Variants in TNFAIP8 observed in about 807,000 individuals in gnomAD.
The protein encoded by TNFAIP8 is TNF alpha induced protein 8.
Under a neutral mutation model 13.3 loss-of-function variants are expected in TNFAIP8, and 7 were observed. The ratio of observed to expected loss-of-function variants is 0.52; its 90% CI spans 0.30 to 0.99. The LOEUF is 0.99. Among genes scored for constraint, TNFAIP8 ranks in the 50% least tolerant of loss-of-function variants. The pLI, the probability that TNFAIP8 is intolerant of heterozygous loss-of-function variation, is 0.07. For synonymous variants in TNFAIP8, 94 were observed against 87.6 expected, an observed-to-expected ratio of 1.07 and a Z score of -0.41; for missense variants, 258 against 236.9, an observed-to-expected ratio of 1.09 and a Z score of -0.58.
chr5:119,340,579 A>G (rs975551734), intron 1 of TNFAIP8, among the ~76,000 whole-genome samples: 2 of 152,188 alleles, frequency 1.3e-5, no homozygotes, highest in Non-Finnish European at 2.9e-5. Context: ...GGGAGATTGA[A>G]TAAGACAACC....
At chr5:119,288,345 G>C (rs996507676) in intron 1 of TNFAIP8, among the ~76,000 whole-genome samples, 1 of 152,116 alleles carries the variant, frequency 6.6e-6, no homozygotes, top group Non-Finnish European at 1.5e-5. Flanking sequence ...GTGAAACAAA[G>C]GTGTACCTTG....
At chr5:119,365,643 C>T (rs1344402037) in intron 1 of TNFAIP8, among the ~76,000 whole-genome samples, 1 of 152,224 alleles carries the variant, frequency 6.6e-6, no homozygotes, top group African/African-American at 2.4e-5. Context: ...CTTTTTCCTC[C>T]TGTAAAGTTG....
rs578217291 is a variant in TNFAIP8 at position 119,341,652 on chromosome 5, TTCACC to T, written c.2-51163_2-51159del. ...CTGGGATAAGAGTGCCACCAAAATT[TTCACC>T]CACAGATTGGAAGCACATCAAAAGA... is the stretch of plus-strand genomic sequence containing the variant. On this transcript the variant is annotated intron_variant, in intron 1 of 1. Transcript: ENST00000274456. Among the ~76,000 whole-genome samples, 57 of 152,292 alleles carry T rather than the reference TTCACC, an allele frequency of 3.7e-4. 1 individual carries two copies. The highest frequency in any genetic ancestry group is 1.2e-3 in the African/African-American group (51 of 41,564).
At chr5:119,303,553 G>T (rs1384131281) in intron 1 of TNFAIP8, among the ~76,000 whole-genome samples, 3 of 152,108 alleles carry the variant, frequency 2.0e-5, no homozygotes, top group African/African-American at 7.2e-5. Context: ...TTATCATTTG[G>T]GTAGAAGTGG....
In TNFAIP8 at chr5:119,397,696, G is replaced by A; in HGVS notation, c.*4315G>A. On this transcript the variant is annotated 3_prime_UTR_variant, in exon 2 of 2. Transcript: ENST00000504771. ...GAAGCATTAACCAGAAAATGAGTCA[G>A]CTTTTTGTTTCCAAAATGATGCAAC... The A allele has an allele frequency of 6.6e-6, 1 of 152,164 alleles. No homozygotes were observed. The highest frequency in any genetic ancestry group is 1.5e-5 in the Non-Finnish European group (1 of 68,018). 9.4% of individuals were successfully genotyped at this position (152,164 alleles called of 1,614,324 possible).
intron 1 of TNFAIP8, among the ~76,000 whole-genome samples, chr5:119,371,906 A>G (rs1445181546): frequency 2.0e-5 from 3 of 151,358 alleles, no homozygotes; most frequent in African/African-American, 4.9e-5. Context: ...GGGAGGCCGA[A>G]GCGGGCAGAT....
intron 1 of TNFAIP8, among the ~76,000 whole-genome samples, chr5:119,346,638 C>CCAA (rs887781559): frequency 6.6e-5 from 10 of 152,164 alleles, no homozygotes; most frequent in African/African-American, 2.4e-4. Context: ...ACAGCAACCA[C>CCAA]CAACAACCTA....
chr5:119,361,738 C>T (rs1181739644), intron 1 of TNFAIP8, among the ~76,000 whole-genome samples: 1 of 152,188 alleles, frequency 6.6e-6, no homozygotes, highest in Non-Finnish European at 1.5e-5. Context: ...GCCAGCTCAC[C>T]TGGCTTCAAT....
At position 119,341,937 on chromosome 5, in the gene TNFAIP8, G is replaced by A. The variant is rs187285773; in HGVS notation, c.2-50879G>A. The stretch of plus-strand genomic sequence containing the variant: ...GGCAGGCATGGGGTTAGTGGCCAGG[G>A]CAGAACTGGGAATGGGACAAGTTTG... On this transcript the variant is annotated intron_variant, in intron 1 of 1. Coordinates refer to the TNFAIP8 transcript ENST00000274456. Among the ~76,000 whole-genome samples, 22 of 151,642 alleles carry A rather than the reference G, an allele frequency of 1.5e-4. 1 individual carries two copies. The highest frequency in any genetic ancestry group is 5.4e-4 in the African/African-American group (22 of 40,940).
intron 1 of TNFAIP8, among the ~76,000 whole-genome samples, chr5:119,336,065 T>C (rs531163042): frequency 2.7e-4 from 41 of 152,152 alleles, no homozygotes; most frequent in African/African-American, 8.9e-4. Context: ...GGCTGATGTG[T>C]TCCAGAAACA....
chr5:119,356,057 G>A lies in TNFAIP8; in HGVS notation c.-34G>A, dbSNP rs576037043. 2.6e-6 allele frequency: 4 copies of A among 1,562,646 alleles called. No individual in the cohort carries two copies. The highest frequency in any genetic ancestry group is 1.4e-5 in the African/African-American group (1 of 73,280). On this transcript the variant is annotated 5_prime_UTR_variant, in exon 1 of 2. Transcript: ENST00000504771. ...GCGGCTCGTCCGAGTACATGTGAGC[G>A]GTAATCGCCCCTGCAGCTGGTTATC...
intron 1 of TNFAIP8, among the ~76,000 whole-genome samples, chr5:119,288,609 C>T (rs1349228514): frequency 6.6e-6 from 1 of 152,190 alleles, no homozygotes; most frequent in Non-Finnish European, 1.5e-5. Context: ...GCAGCCTTTC[C>T]TTATCAACAG....
intron 1 of TNFAIP8, among the ~76,000 whole-genome samples, chr5:119,288,032 A>T (rs1225920166): frequency 6.6e-6 from 1 of 152,200 alleles, no homozygotes; most frequent in East Asian, 1.9e-4. Context: ...TTTAAAAAGC[A>T]AACATACTAC....
intron 1 of TNFAIP8, among the ~76,000 whole-genome samples, chr5:119,282,230 C>G (rs1748653502): frequency 6.6e-6 from 1 of 152,230 alleles, no homozygotes; most frequent in Non-Finnish European, 1.5e-5. Flanking sequence ...CACTTACTCT[C>G]AGTAGCTGTA....
intron 1 of TNFAIP8, among the ~76,000 whole-genome samples, chr5:119,361,038 C>T (rs1414592579): frequency 2.0e-5 from 3 of 152,154 alleles, no homozygotes; most frequent in African/African-American, 2.4e-5. Flanking sequence ...TGGTTGGGTA[C>T]AGACACTCTT....
rs150356263 is a variant in TNFAIP8 at position 119,278,268 on chromosome 5, G to A, written c.1+9361G>A. ...TTAGCATGTTACATTTTTATCTGCA[G>A]ACTTGCCTCTTTGTGGGCGGAAATA... On this transcript the variant is annotated intron_variant, in intron 1 of 1. Transcript: ENST00000274456. Among the ~76,000 whole-genome samples, 1,003 of 151,776 alleles carry A rather than the reference G, an allele frequency of 6.6e-3. 12 individuals carry two copies. The highest frequency in any genetic ancestry group is 0.023 in the African/African-American group (930 of 41,298).
At chr5:119,290,968 T>C (rs1487128338) in intron 1 of TNFAIP8, among the ~76,000 whole-genome samples, 1 of 152,170 alleles carries the variant, frequency 6.6e-6, no homozygotes, top group Non-Finnish European at 1.5e-5. Flanking sequence ...GGACTTTCTT[T>C]GATTATTAGT....
At chr5:119,308,550 A>G (rs1166027997) in intron 1 of TNFAIP8, among the ~76,000 whole-genome samples, 5 of 152,086 alleles carry the variant, frequency 3.3e-5, no homozygotes, top group African/African-American at 1.2e-4. Context: ...TCTTGACTGT[A>G]TAAGCTTTTT....
Position 119,398,698 on chromosome 5 carries a change from C to T in TNFAIP8, c.*5317C>T, listed in dbSNP as rs1335173089. On this transcript the variant is annotated 3_prime_UTR_variant, in exon 2 of 2. Coordinates refer to ENST00000504771, the MANE Select transcript of TNFAIP8 (RefSeq NM_014350.4). ...TTTGTCTCAAAAAAAAAAAAAGAAA[C>T]TCTGTCTCGAAGTAAATAAATAAAT... 7.3e-5 allele frequency: 11 copies of T among 151,280 alleles called. No individual in the cohort carries two copies. Among genetic ancestry groups the T allele is most frequent in the Admixed American group, 7.2e-4 (11 of 15,180 alleles). 9.4% of individuals were successfully genotyped at this position (151,280 alleles called of 1,614,324 possible).
Sources: allele counts gnomAD v4.1 joint callset (sites outside exome capture counted in the v4.1 genomes callset), GRCh38; gene constraint gnomAD v4.1.1; transcripts MANE v1.5; gene names NCBI Gene and HGNC (gene_info 2026-07-23, HGNC 2026-07-21).